The following DUSP16 variants were observed in gnomAD, a reference collection of about 807,000 sequenced individuals.
DUSP16 encodes dual specificity phosphatase 16.
DUSP16 carries 21 observed loss-of-function variants against 58.3 expected under a neutral mutation model. The observed-to-expected ratio is 0.36, with a 90% CI of 0.26 to 0.52. The LOEUF (loss-of-function observed/expected upper bound fraction) is 0.52. Ranked by LOEUF, DUSP16 falls within the 20% of genes least tolerant of loss-of-function variation. DUSP16 has a pLI of 0.94. For missense variants in DUSP16, 726 were observed against 819.0 expected (o/e 0.89, Z 1.39); for synonymous variants, 320 against 323.8 (o/e 0.99, Z 0.12).
intron 3 of DUSP16, among the ~76,000 whole-genome samples, chr12:12,517,919 A>G (rs528315392): frequency 6.6e-6 from 1 of 152,342 alleles, no homozygotes; most frequent in East Asian, 1.9e-4. Flanking sequence ...CCTAGAGTTG[A>G]CATAGCTAAT....
At chr12:12,540,711 C>G (rs760318111) in intron 1 of DUSP16, among the ~76,000 whole-genome samples, 17 of 152,152 alleles carry the variant, frequency 1.1e-4, no homozygotes, top group Non-Finnish European at 2.2e-4. Context: ...TCTGGACGCT[C>G]TCCTACCCCA....
At chr12:12,505,408 G>T (rs764180537) in intron 3 of DUSP16, among the ~76,000 whole-genome samples, 1 of 152,166 alleles carries the variant, frequency 6.6e-6, no homozygotes, top group Non-Finnish European at 1.5e-5. Context: ...AAGAAGATCC[G>T]ACAAGAACAG....
chr12:12,532,289 T>C (rs1328491206), intron 1 of DUSP16, among the ~76,000 whole-genome samples: 1 of 152,230 alleles, frequency 6.6e-6, no homozygotes. Flanking sequence ...AAGTAACTTA[T>C]AAATTATGAT....
At chr12:12,481,226 G>A (rs372125376) in intron 5 of DUSP16, among the ~76,000 whole-genome samples, 2 of 152,086 alleles carry the variant, frequency 1.3e-5, no homozygotes, top group African/African-American at 2.4e-5. Flanking sequence ...AAGGACTCAC[G>A]GACACTTTGT....
chr12:12,528,928 G>A lies in DUSP16; in HGVS notation c.-365-7465C>T, dbSNP rs529022573. ...TACCTTGAGAACATGAGAGAGGAGA[G>A]TGGTAAGAGACTGAGCTATGTGGAT... On this transcript the variant is annotated intron_variant, in intron 1 of 6. Coordinates refer to ENST00000298573, the MANE Select transcript of DUSP16 (RefSeq NM_030640.3). 4.6e-5 allele frequency among the ~76,000 whole-genome samples: 7 copies of A among 151,096 alleles called. No individual in the cohort carries two copies. In the East Asian group the frequency reaches 1.2e-3, roughly 25 times the overall value.
intron 1 of DUSP16, among the ~76,000 whole-genome samples, chr12:12,532,231 A>G (rs1944400706): frequency 6.6e-6 from 1 of 152,254 alleles, no homozygotes. Flanking sequence ...TACACATGAA[A>G]AAATACTGGA....
rs1255513737 is a variant in DUSP16, at chr12:12,474,581, C to T, written c.*2252G>A. ...CTCCGAGGCCACCCCTTCGCCACGG[C>T]AGTCTCGATTCCAAGAACTGATTAT... On this transcript the variant is annotated 3_prime_UTR_variant, in exon 7 of 7. Transcript: ENST00000298573. 6.6e-6 allele frequency: 1 copy of T among 152,344 alleles called. No homozygotes were observed. The highest frequency in any genetic ancestry group is 1.5e-5 in the Non-Finnish European group (1 of 68,048). 9.4% of individuals were successfully genotyped at this position (152,344 alleles called of 1,614,324 possible). A position where few individuals can be genotyped will look rare whatever the true frequency, so the allele number is the denominator to read the frequency against.
intron 3 of DUSP16, among the ~76,000 whole-genome samples, chr12:12,505,065 C>T (rs1943972552): frequency 6.6e-6 from 1 of 152,184 alleles, no homozygotes; most frequent in Admixed American, 6.5e-5. Context: ...TCTAAGCACT[C>T]TATAGGTATT....
At chr12:12,502,030 TAAGTCTTA>T (rs1943918069) in intron 3 of DUSP16, among the ~76,000 whole-genome samples, 1 of 152,078 alleles carries the variant, frequency 6.6e-6, no homozygotes, top group African/African-American at 2.4e-5. Flanking sequence ...AATAACATGT[TAAGTCTTA>T]TTAGAAGATA....
intron 4 of DUSP16, among the ~76,000 whole-genome samples, chr12:12,488,367 T>G (rs2136199136): frequency 6.6e-6 from 1 of 152,328 alleles, no homozygotes; most frequent in Middle Eastern, 3.4e-3. Context: ...CCTACCATAG[T>G]GTGTTACCAT....
chr12:12,551,230 C>T (rs1235869218), intron 1 of DUSP16, among the ~76,000 whole-genome samples: 2 of 151,748 alleles, frequency 1.3e-5, no homozygotes, highest in Admixed American at 6.6e-5. Context: ...GGCTGCTGGC[C>T]GTGGCTCACA....
At chr12:12,513,525 T>C (rs1055961310) in intron 3 of DUSP16, among the ~76,000 whole-genome samples, 1 of 152,204 alleles carries the variant, frequency 6.6e-6, no homozygotes, top group Non-Finnish European at 1.5e-5. Context: ...CAGCAAGAGC[T>C]TGGGAGAGTC....
chr12:12,501,758 G>A (rs746934325), intron 3 of DUSP16, among the ~76,000 whole-genome samples: 8 of 152,098 alleles, frequency 5.3e-5, no homozygotes, highest in African/African-American at 9.7e-5. Context: ...TTGGGAGGCC[G>A]AGGCAGGCGG....
intron 3 of DUSP16, among the ~76,000 whole-genome samples, chr12:12,513,769 T>C (rs1374973151): frequency 1.3e-5 from 2 of 152,202 alleles, no homozygotes; most frequent in African/African-American, 4.8e-5. Context: ...TTGATCTTTA[T>C]TTCTACTAAA....
intron 3 of DUSP16, among the ~76,000 whole-genome samples, chr12:12,503,801 T>C (rs1028620987): frequency 2.0e-5 from 3 of 152,222 alleles, no homozygotes; most frequent in Non-Finnish European, 2.9e-5. Flanking sequence ...GTTTCATTTA[T>C]TGAAGTCTAG....
chr12:12,562,604 T>C lies in DUSP16; in HGVS notation c.-853A>G, dbSNP rs1447633649. 1.3e-5 allele frequency among the ~76,000 whole-genome samples: 2 copies of C among 151,858 alleles called. No homozygotes were observed. Among genetic ancestry groups the C allele is most frequent in the Non-Finnish European group, 2.9e-5 (2 of 67,912 alleles). ...GGTTGGGGGAAAGAGAAAGAGTCGC[T>C]GGTCAGGAAACTTCAAGCGCGGATG... is the stretch of plus-strand genomic sequence containing the variant. On this transcript the variant is annotated 5_prime_UTR_variant, in exon 1 of 7. Transcript: ENST00000298573.
At chr12:12,556,571 T>C (rs1944809211) in intron 1 of DUSP16, among the ~76,000 whole-genome samples, 1 of 150,870 alleles carries the variant, frequency 6.6e-6, no homozygotes, top group Non-Finnish European at 1.5e-5. Flanking sequence ...ACAGACCCCA[T>C]CTTTAATTAA....
chr12:12,532,745 C>T (rs966515913), intron 1 of DUSP16, among the ~76,000 whole-genome samples: 2 of 151,948 alleles, frequency 1.3e-5, no homozygotes, highest in Admixed American at 6.6e-5. Flanking sequence ...GTCAAGAATT[C>T]GAGAACTACT....
intron 1 of DUSP16, among the ~76,000 whole-genome samples, chr12:12,529,299 G>A (rs893228453): frequency 3.3e-5 from 5 of 151,568 alleles, no homozygotes; most frequent in Non-Finnish European, 4.4e-5. Flanking sequence ...TTGTAGAGAC[G>A]GGGTCTCACT....
Sources: allele counts gnomAD v4.1 joint callset (sites outside exome capture counted in the v4.1 genomes callset), GRCh38; gene constraint gnomAD v4.1.1; transcripts MANE v1.5; gene names NCBI Gene and HGNC (gene_info 2026-07-23, HGNC 2026-07-21).